CRYBA4: variants seen among roughly 807,000 people sequenced by gnomAD.
CRYBA4 encodes crystallin beta A4.
A neutral mutation model predicts 31.7 loss-of-function variants in CRYBA4; 30 were observed. That is an observed-to-expected ratio of 0.95 (90% CI 0.71 to 1.28). The LOEUF (loss-of-function observed/expected upper bound fraction) is 1.28. CRYBA4 is among the 50% of genes most tolerant of loss of function. CRYBA4 has a pLI of 0.00. For missense variants in CRYBA4, 225 were observed against 260.7 expected (o/e 0.86, Z 0.94); for synonymous variants, 102 against 102.3 (o/e 1.00, Z 0.02).
chr22:26,610,149 G>A, the CRYBA4 span, among the ~76,000 whole-genome samples: 1 of 152,216 alleles, frequency 6.6e-6, no homozygotes, highest in East Asian at 1.9e-4. Flanking sequence ...ATCTCCCATG[G>A]CTCATTTCAA....
chr22:26,603,041 C>T, the CRYBA4 span, among the ~76,000 whole-genome samples: 2 of 148,320 alleles, frequency 1.3e-5, no homozygotes, highest in Non-Finnish European at 3.0e-5. Flanking sequence ...AGGAGAATGG[C>T]GTGAACCCAG....
the CRYBA4 span, among the ~76,000 whole-genome samples, chr22:26,615,803 T>C: frequency 1.3e-5 from 2 of 152,176 alleles, no homozygotes; most frequent in African/African-American, 4.8e-5. Context: ...CATGAGCCAC[T>C]GCGCCCGGCC....
At chr22:26,597,596 C>A in the CRYBA4 span, among the ~76,000 whole-genome samples, 1 of 152,154 alleles carries the variant, frequency 6.6e-6, no homozygotes, top group Non-Finnish European at 1.5e-5. Context: ...TTCCCTCCTC[C>A]AGGAAGATAT....
the CRYBA4 span, among the ~76,000 whole-genome samples, chr22:26,603,477 G>A: frequency 6.7e-6 from 1 of 150,266 alleles, no homozygotes; most frequent in Admixed American, 6.6e-5. Context: ...TTGCAGTGAG[G>A]CGAGATCACA....
intron 2 of CRYBA4, 69 bp from the exon 3 acceptor site, chr22:26,623,165 G>A (rs1334806449): frequency 3.2e-5 from 42 of 1,322,812 alleles, no homozygotes; most frequent in East Asian, 4.6e-5. Flanking sequence ...ATCCTGGGGC[G>A]AGCCCCCAAC....
the CRYBA4 span, among the ~76,000 whole-genome samples, chr22:26,606,875 A>G: frequency 6.6e-6 from 1 of 152,190 alleles, no homozygotes; most frequent in African/African-American, 2.4e-5. Context: ...ATTCTGGAAA[A>G]AACTGTGAAT....
the CRYBA4 span, chr22:26,599,212 C>T: frequency 4.9e-5 from 23 of 465,984 alleles, no homozygotes; most frequent in African/African-American, 2.3e-4. Flanking sequence ...AACTCCTTGA[C>T]GGCAGGAACT....
At chr22:26,628,472 T>G in intron 5 of CRYBA4, 42 bp downstream of exon 5, 2 of 1,610,986 alleles carry the variant, frequency 1.2e-6, no homozygotes, top group Non-Finnish European at 1.7e-6. Context: ...GAGGGGCTAC[T>G]GGGAGGGGTA....
chr22:26,625,519 A>G lies in CRYBA4; in HGVS notation c.197A>G (p.Gln66Arg), dbSNP rs780735083. The change falls in exon 4 of 6, where the codon CAG (glutamine) becomes CGG (arginine). Residue 66 changes from glutamine to arginine, a missense_variant. Coordinates refer to ENST00000354760, the MANE Select transcript of CRYBA4 (RefSeq NM_001886.3). ...GAGCATGCTGGCTTCCAAGGGCAGC[A>G]GTACATTCTGGAACGAGGCGAATAT... is the stretch of plus-strand genomic sequence containing the variant. ...GFEHAGFQGQQYILERGEYPS... is the reference protein window; with the variant it reads ...GFEHAGFQGQRYILERGEYPS... 2 of 1,614,086 alleles carry G rather than the reference A, an allele frequency of 1.2e-6. No homozygotes were observed. The highest frequency in any genetic ancestry group is 8.5e-7 in the Non-Finnish European group (1 of 1,180,042).
the CRYBA4 span, among the ~76,000 whole-genome samples, chr22:26,604,978 C>T: frequency 6.6e-6 from 1 of 151,968 alleles, no homozygotes; most frequent in Admixed American, 6.6e-5. Flanking sequence ...CTCTTTCCTC[C>T]ACTCCCTCTG....
chr22:26,622,213 C>T (rs2145977855), intron 1 of CRYBA4, among the ~76,000 whole-genome samples: 1 of 152,244 alleles, frequency 6.6e-6, no homozygotes, highest in South Asian at 2.1e-4. Context: ...ATCAGAGCTA[C>T]CTCTTTGAGC....
chr22:26,623,095 G>C, intron 2 of CRYBA4, 139 bp from the exon 3 acceptor site: 1 of 772,950 alleles, frequency 1.3e-6, no homozygotes, highest in Non-Finnish European at 2.3e-6. Flanking sequence ...ATTTATCACT[G>C]CTCTTGCCTT....
At chr22:26,627,388 C>CTT (rs1262705882) in intron 4 of CRYBA4, among the ~76,000 whole-genome samples, 2 of 69,098 alleles carry the variant, frequency 2.9e-5, no homozygotes, top group African/African-American at 2.0e-4. Flanking sequence ...TTCTTTCTTT[C>CTT]TTTCTTTCTT....
At chr22:26,596,223 G>A in the CRYBA4 span, among the ~76,000 whole-genome samples, 6 of 152,156 alleles carry the variant, frequency 3.9e-5, no homozygotes, top group Admixed American at 3.9e-4. Context: ...AGCCTCCAGA[G>A]CAGCTGGGAT....
At chr22:26,596,641 T>G in the CRYBA4 span, 11 of 152,322 alleles carry the variant, frequency 7.2e-5, no homozygotes, top group Non-Finnish European at 1.5e-4. Flanking sequence ...AATAAGACCT[T>G]GAAGGTAAAG....
At chr22:26,622,039 T>C in intron 1 of CRYBA4, 53 bp downstream of exon 1, 2 of 965,508 alleles carry the variant, frequency 2.1e-6, no homozygotes, top group South Asian at 9.5e-5. Context: ...GTGAGCATTC[T>C]GGGAGGCGAG....
the CRYBA4 span, among the ~76,000 whole-genome samples, chr22:26,601,045 C>T: frequency 5.3e-5 from 8 of 152,314 alleles, no homozygotes; most frequent in South Asian, 1.7e-3. Context: ...GGCTCACAGA[C>T]AAGGCTCCGT....
chr22:26,618,077 C>G (rs1293292231), upstream of CRYBA4: 2 of 153,154 alleles, frequency 1.3e-5, no homozygotes, highest in African/African-American at 4.8e-5. Flanking sequence ...GACATCAGGC[C>G]CTATAGTCTG....
chr22:26,617,119 G>A (rs755882358), upstream of CRYBA4, among the ~76,000 whole-genome samples: 2 of 152,146 alleles, frequency 1.3e-5, no homozygotes, highest in African/African-American at 4.8e-5. Context: ...GCTTATGGGA[G>A]GACCCAAGAG....
Sources: gnomAD v4.1 joint callset for allele counts (sites outside exome capture counted in the v4.1 genomes callset) on GRCh38, gnomAD v4.1.1 for gene constraint, MANE v1.5 for transcripts, NCBI Gene and HGNC (gene_info 2026-07-23, HGNC 2026-07-21) for gene names.